The following POU6F2 variants were observed in gnomAD, a reference collection of about 807,000 sequenced individuals.
POU6F2 encodes POU class 6 homeobox 2.
POU6F2 carries 31 observed loss-of-function variants against 71.3 expected under a neutral mutation model. The observed-to-expected ratio is 0.43, with a 90% CI of 0.33 to 0.59. The LOEUF (loss-of-function observed/expected upper bound fraction) is 0.59. Ranked by LOEUF, POU6F2 falls within the 20% of genes least tolerant of loss-of-function variation. The probability of loss-of-function intolerance (pLI) is 0.04; values close to 1 mark genes in which losing one functional copy is unlikely to be tolerated. For missense variants in POU6F2, 783 were observed against 856.8 expected, an observed-to-expected ratio of 0.91 and a Z score of 1.07; for synonymous variants, 347 against 355.7, an observed-to-expected ratio of 0.98 and a Z score of 0.27.
chr7:38,998,854 C>T (rs1259628507), intron 1 of POU6F2, among the ~76,000 whole-genome samples: 2 of 142,076 alleles, frequency 1.4e-5, no homozygotes, highest in East Asian at 4.0e-4. Flanking sequence ...TCAGTAGAGA[C>T]CAGGTTTTAC....
chr7:39,098,713 A>T (rs570942545), intron 2 of POU6F2, among the ~76,000 whole-genome samples: 7 of 152,230 alleles, frequency 4.6e-5, no homozygotes, highest in Non-Finnish European at 8.8e-5. Context: ...CCATCTCTGC[A>T]TGGAGGTATT....
chr7:39,161,114 G>A (rs1792986731), intron 2 of POU6F2, among the ~76,000 whole-genome samples: 1 of 151,990 alleles, frequency 6.6e-6, no homozygotes, highest in Non-Finnish European at 1.5e-5. Flanking sequence ...GAGATTTCCT[G>A]TTTCTTAGTT....
intron 4 of POU6F2, among the ~76,000 whole-genome samples, chr7:39,319,574 G>C (rs570410989): frequency 2.6e-5 from 4 of 152,306 alleles, no homozygotes; most frequent in African/African-American, 9.6e-5. Context: ...CTAGGGTTTT[G>C]TCACTCATGT....
chr7:39,092,237 C>CA (rs1791374824), intron 2 of POU6F2, among the ~76,000 whole-genome samples: 2 of 152,270 alleles, frequency 1.3e-5, no homozygotes, highest in Non-Finnish European at 2.9e-5. Context: ...TATCCAAAGG[C>CA]AGAGGTAGCT....
intron 2 of POU6F2, among the ~76,000 whole-genome samples, chr7:39,131,119 A>T (rs140275980): frequency 1.3e-5 from 2 of 152,298 alleles, no homozygotes; most frequent in African/African-American, 4.8e-5. Context: ...CACCACCAGC[A>T]GCTGTGAAAT....
intron 4 of POU6F2, among the ~76,000 whole-genome samples, chr7:39,225,235 G>A (rs1006622455): frequency 1.3e-5 from 2 of 151,900 alleles, no homozygotes; most frequent in African/African-American, 4.8e-5. Context: ...GTGCAGTGGT[G>A]CCATCTTGGC....
At chr7:39,099,097 A>G (rs951134221) in intron 2 of POU6F2, among the ~76,000 whole-genome samples, 13 of 152,326 alleles carry the variant, frequency 8.5e-5, no homozygotes. Context: ...ACAGGGGACA[A>G]TAGTTCACTC....
chr7:39,383,893 C>G (rs538373484), intron 5 of POU6F2, among the ~76,000 whole-genome samples: 1 of 152,364 alleles, frequency 6.6e-6, no homozygotes, highest in East Asian at 1.9e-4. Flanking sequence ...GCCTATCTCT[C>G]AGCATTGCTG....
intron 2 of POU6F2, among the ~76,000 whole-genome samples, chr7:39,096,314 C>G (rs1584540160): frequency 6.6e-6 from 1 of 152,052 alleles, no homozygotes; most frequent in Admixed American, 6.6e-5. Flanking sequence ...TGTTAAAGGC[C>G]AAACAATTTT....
intron 2 of POU6F2, among the ~76,000 whole-genome samples, chr7:39,120,060 A>G (rs1792009251): frequency 6.6e-6 from 1 of 152,246 alleles, no homozygotes; most frequent in South Asian, 2.1e-4. Context: ...TGTCTGTAAG[A>G]GTTTCACAAA....
intron 2 of POU6F2, among the ~76,000 whole-genome samples, chr7:39,104,171 C>T (rs1791629837): frequency 6.6e-6 from 1 of 152,246 alleles, no homozygotes; most frequent in Non-Finnish European, 1.5e-5. Flanking sequence ...ATTTGAAGTA[C>T]AGCTGATTCT....
intron 1 of POU6F2, among the ~76,000 whole-genome samples, chr7:39,024,270 G>C (rs1789747175): frequency 6.6e-6 from 1 of 151,782 alleles, no homozygotes; most frequent in African/African-American, 2.4e-5. Flanking sequence ...TGAAGCAATT[G>C]TGAATGGGAG....
chr7:39,345,232 G>A (rs1053321337), intron 5 of POU6F2, among the ~76,000 whole-genome samples: 1 of 151,990 alleles, frequency 6.6e-6, no homozygotes, highest in Non-Finnish European at 1.5e-5. Context: ...TGATTACTAC[G>A]TTTCTGGACA....
chr7:39,167,050 A>G (rs1793128415), intron 2 of POU6F2, among the ~76,000 whole-genome samples: 2 of 152,236 alleles, frequency 1.3e-5, no homozygotes, highest in Admixed American at 1.3e-4. Flanking sequence ...CCCATTCTCC[A>G]GCAAACATTT....
intron 2 of POU6F2, among the ~76,000 whole-genome samples, chr7:39,136,246 ATAAAAAATTTAAATACTG>A (rs1348377488): frequency 1.3e-5 from 2 of 152,234 alleles, no homozygotes; most frequent in African/African-American, 2.4e-5. Context: ...AAATAAAAAA[ATAAAAAATTTAAATACTG>A]TAAAAAATTT....
intron 4 of POU6F2, among the ~76,000 whole-genome samples, chr7:39,280,097 A>C (rs1390822735): frequency 6.6e-6 from 1 of 151,974 alleles, no homozygotes; most frequent in East Asian, 1.9e-4. Context: ...GGACCCCCTC[A>C]TGACCTTATT....
At position 39,207,393 on chromosome 7, in the gene POU6F2, C is replaced by T. The variant is rs1239668915; in HGVS notation, c.371C>T (p.Pro124Leu). The T allele has an allele frequency of 1.2e-6, 2 of 1,613,274 alleles. No individual in the cohort carries two copies. Among genetic ancestry groups the T allele is most frequent in the Non-Finnish European group, 1.7e-6 (2 of 1,179,472 alleles). Residue 124 changes from proline (P) to leucine (L), a missense_variant and splice_region_variant, in exon 4 of 10, where the codon CCA (proline) becomes CTA (leucine). Transcript: ENST00000518318. ...THPPFPVGPQ[P>L]LLTAQQLASA... ...CTAGCTGTATCTGTTTCCTTGCAGCCACTTCTGACGGCACAGCAGTTAGCT... is the reference window on the plus strand; with the variant it reads ...CTAGCTGTATCTGTTTCCTTGCAGCTACTTCTGACGGCACAGCAGTTAGCT...
chr7:39,072,312 CA>C lies in POU6F2; in HGVS notation c.106-13547del, dbSNP rs1241722495. On this transcript the variant is annotated intron_variant, in intron 1 of 9. Coordinates refer to ENST00000518318, the MANE Select transcript of POU6F2 (RefSeq NM_001370959.1). ...GCACAGGTACATCAGTTCATAGGAA[CA>C]GACCTCGCTTACATATTAAAATTTG... Among the ~76,000 whole-genome samples the C allele has an allele frequency of 2.0e-5, 3 of 152,216 alleles. No homozygotes were observed. The East Asian group carries it at 5.8e-4, about 29-fold the overall frequency.
intron 6 of POU6F2, among the ~76,000 whole-genome samples, chr7:39,419,584 C>T: frequency 6.6e-6 from 1 of 152,028 alleles, no homozygotes; most frequent in South Asian, 2.1e-4. Flanking sequence ...TGTGGATATG[C>T]TTTTAAGTGG....
Sources: allele counts gnomAD v4.1 joint callset (sites outside exome capture counted in the v4.1 genomes callset), GRCh38; gene constraint gnomAD v4.1.1; transcripts MANE v1.5; gene names NCBI Gene and HGNC (gene_info 2026-07-23, HGNC 2026-07-21).